Variants in PSMD1 observed in about 807,000 individuals in gnomAD.
PSMD1 encodes the protein 26S proteasome non-ATPase regulatory subunit 1.
A neutral mutation model predicts 119.0 loss-of-function variants in PSMD1; 18 were observed. The observed-to-expected ratio is 0.15, with a 90% CI of 0.10 to 0.22. The LOEUF (loss-of-function observed/expected upper bound fraction) is 0.22, where lower values mean the gene tolerates loss of function less well. Ranked by LOEUF, PSMD1 falls within the 10% of genes least tolerant of loss-of-function variation. The pLI, the probability that PSMD1 is intolerant of heterozygous loss-of-function variation, is 1.00. For synonymous variants in PSMD1, 374 were observed against 396.6 expected (o/e 0.94, Z 0.68); for missense variants, 702 against 1,158.5 (o/e 0.61, Z 5.72).
chr2:231,070,487 CAGTGCCTATGCT>C (rs1694017387), intron 6 of PSMD1, among the ~76,000 whole-genome samples: 1 of 151,990 alleles, frequency 6.6e-6, no homozygotes, highest in Non-Finnish European at 1.5e-5. Flanking sequence ...AAGATTAAAA[CAGTGCCTATGCT>C]ATACTATATC....
intron 1 of PSMD1, among the ~76,000 whole-genome samples, chr2:231,059,587 T>C (rs1256962381): frequency 6.6e-6 from 1 of 152,136 alleles, no homozygotes; most frequent in Admixed American, 6.6e-5. Context: ...TAAAGGAAAG[T>C]TGTGCTAAAA....
chr2:231,124,243 T>A (rs1242525045), intron 16 of PSMD1: 1 of 162,322 alleles, frequency 6.2e-6, no homozygotes, highest in East Asian at 1.7e-4. Flanking sequence ...TTTGTGACAA[T>A]GCAGCCAATT....
chr2:231,091,966 C>T (rs770901840), intron 16 of PSMD1, among the ~76,000 whole-genome samples: 3 of 152,068 alleles, frequency 2.0e-5, no homozygotes, highest in Admixed American at 6.6e-5. Flanking sequence ...GGCTTGCAGG[C>T]GTGCAAGAAT....
Position 231,070,098 on chromosome 2 carries a change from A to G in PSMD1, c.584A>G (p.Asn195Ser). ...TTAATGCAGAATAAACAGTTTCGGA[A>G]TAAAGTACTAAGAGTTCTAGTTAAA... ...MSLMQNKQFR[N>S]KVLRVLVKIY... Residue 195 changes from asparagine (N) to serine (S), a missense_variant, in exon 6 of 25, where the codon AAT (asparagine) becomes AGT (serine). By Grantham distance (46) the Asn-to-Ser change is conservative (BLOSUM62 1). Transcript: ENST00000308696. 6.3e-7 allele frequency: 1 copy of G among 1,579,598 alleles called. No homozygotes were observed. The highest frequency in any genetic ancestry group is 8.6e-7 in the Non-Finnish European group (1 of 1,167,090).
chr2:231,136,873 T>C (rs990202697), intron 16 of PSMD1, among the ~76,000 whole-genome samples: 2 of 150,092 alleles, frequency 1.3e-5, no homozygotes, highest in Non-Finnish European at 3.0e-5. Flanking sequence ...TTCTGTGATA[T>C]TTTTTTCTCC....
At chr2:231,125,840 AAATT>A (rs779491483) in intron 16 of PSMD1, among the ~76,000 whole-genome samples, 6 of 152,178 alleles carry the variant, frequency 3.9e-5, no homozygotes, top group African/African-American at 1.4e-4. Context: ...GCATATTTTA[AAATT>A]AATTACTTAT....
chr2:231,138,206 AC>A (rs1379674855), intron 16 of PSMD1, among the ~76,000 whole-genome samples: 1 of 152,328 alleles, frequency 6.6e-6, no homozygotes, highest in South Asian at 2.1e-4. Flanking sequence ...TTCTCTTCTT[AC>A]CAACACAAAA....
chr2:231,119,869 C>CAAAAA (rs78246469), intron 16 of PSMD1, among the ~76,000 whole-genome samples: 1 of 80,050 alleles, frequency 1.2e-5, no homozygotes, highest in Non-Finnish European at 2.5e-5. Context: ...GACTCCGTCT[C>CAAAAA]AAAAAAAAAA....
At chr2:231,111,459 G>A (rs113567435) in intron 16 of PSMD1, among the ~76,000 whole-genome samples, 86 of 152,110 alleles carry the variant, frequency 5.7e-4, no homozygotes, top group African/African-American at 2.0e-3. Flanking sequence ...CAGCTTGTTG[G>A]TCAATAACTG....
intron 16 of PSMD1, chr2:231,123,756 G>C (rs1424451234): frequency 4.3e-6 from 7 of 1,613,094 alleles, no homozygotes; most frequent in Non-Finnish European, 5.9e-6. Flanking sequence ...CTCTGTAAGA[G>C]AGAGCCATTT....
intron 16 of PSMD1, among the ~76,000 whole-genome samples, chr2:231,125,630 G>A (rs1432057890): frequency 2.0e-5 from 3 of 152,222 alleles, no homozygotes; most frequent in Non-Finnish European, 4.4e-5. Flanking sequence ...CTGGGTTTAG[G>A]AGTGGTTCAC....
intron 19 of PSMD1, among the ~76,000 whole-genome samples, chr2:231,160,037 C>T (rs1444681779): frequency 6.6e-6 from 1 of 152,230 alleles, no homozygotes; most frequent in African/African-American, 2.4e-5. Flanking sequence ...AGGTTCCTAA[C>T]AGGCCATGGA....
intron 18 of PSMD1, among the ~76,000 whole-genome samples, chr2:231,149,740 T>C (rs1020863437): frequency 6.6e-6 from 1 of 152,206 alleles, no homozygotes; most frequent in African/African-American, 2.4e-5. Flanking sequence ...AGTAGTCTAT[T>C]ACCACACTGT....
rs567434721 is a variant in PSMD1, at chr2:231,097,299, T to C, written c.1883+10118T>C. Among the ~76,000 whole-genome samples the C allele has an allele frequency of 1.2e-4, 18 of 152,352 alleles. No individual in the cohort carries two copies. The South Asian group carries it at 3.3e-3, about 28-fold the overall frequency. On this transcript the variant is annotated intron_variant, in intron 16 of 24. Transcript: ENST00000308696. The stretch of plus-strand genomic sequence containing the variant: ...AATAAGAATTGAGGCTATTATTCCT[T>C]TCCATTTACTGAACTACTTTTCTAG...
At chr2:231,096,080 G>T (rs1694716617) in intron 16 of PSMD1, among the ~76,000 whole-genome samples, 1 of 152,166 alleles carries the variant, frequency 6.6e-6, no homozygotes, top group Admixed American at 6.5e-5. Context: ...CAAACCTCTT[G>T]TAAATGGGCT....
intron 23 of PSMD1, among the ~76,000 whole-genome samples, chr2:231,166,613 T>A (rs1475124980): frequency 6.6e-6 from 1 of 152,120 alleles, no homozygotes. Context: ...GAGTGCTTCA[T>A]GTTAAAAACA....
At chr2:231,058,219 A>G (rs1438117417) in intron 1 of PSMD1, among the ~76,000 whole-genome samples, 2 of 152,208 alleles carry the variant, frequency 1.3e-5, no homozygotes, top group Non-Finnish European at 2.9e-5. Context: ...CTTGCCACCT[A>G]TAGGCCTCAT....
rs1314804082 is a variant in PSMD1 at position 231,066,929 on chromosome 2, A to G, written c.328A>G (p.Lys110Glu). The G allele has an allele frequency of 1.2e-6, 2 of 1,610,960 alleles. No individual in the cohort carries two copies. Among genetic ancestry groups the G allele is most frequent in the South Asian group, 2.2e-5 (2 of 90,460 alleles). The change falls in exon 5 of 25, where the codon AAA (lysine) becomes GAA (glutamate). Residue 110 changes from lysine to glutamate, a missense_variant. By Grantham distance (56) the Lys-to-Glu change is moderately conservative. This residue lies in a region of PSMD1 where 50 missense variants were observed against 41.8 expected (regional missense o/e 1.20). Coordinates refer to ENST00000308696, the MANE Select transcript of PSMD1 (RefSeq NM_002807.4). Reference protein sequence around the residue: ...IIAKCIDHYTKQCVENADLPE... With the variant: ...IIAKCIDHYTEQCVENADLPE... ...AGCAAAATGCATTGATCACTACACC[A>G]AACAATGTGTGGAAAATGCAGATTT... is the stretch of plus-strand genomic sequence containing the variant.
At chr2:231,153,384 A>G (rs1376363500) in intron 18 of PSMD1, 180 bp from the exon 19 acceptor site, 2 of 556,464 alleles carry the variant, frequency 3.6e-6, no homozygotes, top group Non-Finnish European at 6.3e-6. Context: ...CTAAAAAGTC[A>G]TAACACCCGT....
Sources: gnomAD v4.1 joint callset for allele counts (sites outside exome capture counted in the v4.1 genomes callset) on GRCh38, gnomAD v4.1.1 for gene constraint, gnomAD v4.1.1 regional missense constraint, MANE v1.5 for transcripts, NCBI Gene and HGNC (gene_info 2026-07-23, HGNC 2026-07-21) for gene names.